Variants in TMOD1 observed in about 807,000 individuals in gnomAD.
TMOD1 encodes tropomodulin 1.
TMOD1 carries 17 observed loss-of-function variants against 40.6 expected under a neutral mutation model. That is an observed-to-expected ratio of 0.42 (90% CI 0.29 to 0.63). TMOD1 has a LOEUF of 0.63. Among genes scored for constraint, TMOD1 ranks in the 20% least tolerant of loss-of-function variants. The probability of loss-of-function intolerance (pLI) is 0.22; values close to 1 mark genes in which losing one functional copy is unlikely to be tolerated. For missense variants in TMOD1, 391 were observed against 447.6 expected, an observed-to-expected ratio of 0.87 and a Z score of 1.14; for synonymous variants, 181 against 175.0, an observed-to-expected ratio of 1.03 and a Z score of -0.27.
At chr9:97,538,687 A>G (rs1447105459) in intron 2 of TMOD1, among the ~76,000 whole-genome samples, 2 of 152,160 alleles carry the variant, frequency 1.3e-5, no homozygotes, top group Non-Finnish European at 2.9e-5. Flanking sequence ...TTTAGTGAAT[A>G]ACTATGTGTA....
At chr9:97,580,731 CATTT>C (rs1238687779) in intron 8 of TMOD1, among the ~76,000 whole-genome samples, 1 of 152,146 alleles carries the variant, frequency 6.6e-6, no homozygotes, top group Non-Finnish European at 1.5e-5. Context: ...AGGATAGTAA[CATTT>C]ATAAGGTCAA....
intron 4 of TMOD1, among the ~76,000 whole-genome samples, chr9:97,559,418 A>C (rs1054427237): frequency 9.9e-5 from 15 of 151,690 alleles, no homozygotes; most frequent in Non-Finnish European, 1.5e-4. Flanking sequence ...AGATCATCTC[A>C]TCTTGTGGTT....
At chr9:97,566,883 T>G (rs1830737673) in intron 7 of TMOD1, among the ~76,000 whole-genome samples, 1 of 152,128 alleles carries the variant, frequency 6.6e-6, no homozygotes, top group Admixed American at 6.5e-5. Flanking sequence ...AATTAGGTTC[T>G]GGGAATACAA....
In TMOD1 at chr9:97,569,490, C is replaced by T. The variant is rs142470060; in HGVS notation, c.870+453C>T. 3.0e-3 allele frequency among the ~76,000 whole-genome samples: 457 copies of T among 152,326 alleles called. 4 individuals carry two copies. Among genetic ancestry groups the T allele is most frequent in the African/African-American group, 0.01 (419 of 41,582 alleles). On this transcript the variant is annotated intron_variant, in intron 8 of 9. Transcript: ENST00000259365. ...CTTCATTCACCCCCATTCAATGCGG[C>T]TTTTGAATTTCCTCACCATTCACAT... is the stretch of plus-strand genomic sequence containing the variant.
intron 1 of TMOD1, among the ~76,000 whole-genome samples, chr9:97,523,431 G>C (rs1261488092): frequency 6.6e-6 from 1 of 152,134 alleles, no homozygotes; most frequent in African/African-American, 2.4e-5. Flanking sequence ...CACGCCATTG[G>C]GTGACTCCGC....
At chr9:97,558,525 C>T (rs376000616) in intron 4 of TMOD1, among the ~76,000 whole-genome samples, 1 of 152,152 alleles carries the variant, frequency 6.6e-6, no homozygotes, top group Non-Finnish European at 1.5e-5. Context: ...CTCACTGTAA[C>T]CTCCACCTCC....
chr9:97,601,162 C>T lies in TMOD1; in HGVS notation c.*1464C>T. The T allele has an allele frequency of 1.5e-6, 2 of 1,301,874 alleles. No individual in the cohort carries two copies. Among genetic ancestry groups the T allele is most frequent in the East Asian group, 5.6e-5 (1 of 18,014 alleles). The allele number at this position is 1,301,874 out of a possible 1,614,324, so 80.6% of individuals were successfully genotyped here. ...AGTGGCACCATGTTGCAGGGACAAC[C>T]ATCCCCATTTGGCTTCTCCTTAAAA... On this transcript the variant is annotated 3_prime_UTR_variant, in exon 10 of 10. Transcript: ENST00000259365.
intron 2 of TMOD1, among the ~76,000 whole-genome samples, chr9:97,524,703 T>C (rs762943484): frequency 6.6e-6 from 1 of 151,458 alleles, no homozygotes; most frequent in Non-Finnish European, 1.5e-5. Flanking sequence ...CCAGGAAGAG[T>C]TGGGTCTGGG....
rs1001522643 is a variant in TMOD1 at position 97,581,240 on chromosome 9, C to T, written c.871-10051C>T. ...ATTCCCACCTATGAGTGAGAATATG[C>T]GGTGTTTGGTTTTTTGTTCTTGCGA... is the stretch of plus-strand genomic sequence containing the variant. On this transcript the variant is annotated intron_variant, in intron 8 of 9. Transcript: ENST00000259365. 3.7e-5 allele frequency among the ~76,000 whole-genome samples: 5 copies of T among 135,122 alleles called. No homozygotes were observed. In the East Asian group the frequency reaches 1.1e-3, roughly 30 times the overall value. 88.6% of individuals were successfully genotyped at this position (135,122 alleles called of 152,430 possible). A position where few individuals can be genotyped will look rare whatever the true frequency, so the allele number is the denominator to read the frequency against.
chr9:97,554,586 G>C (rs1280214447), intron 4 of TMOD1, among the ~76,000 whole-genome samples: 4 of 152,132 alleles, frequency 2.6e-5, no homozygotes, highest in Non-Finnish European at 5.9e-5. Flanking sequence ...ATGGGGCAAA[G>C]CTGGAATGTG....
rs1402160141 is a variant in TMOD1, at chr9:97,585,798, G to A, written c.871-5493G>A. Among the ~76,000 whole-genome samples, 4 of 137,156 alleles carry A rather than the reference G, an allele frequency of 2.9e-5. No homozygotes were observed. The South Asian group carries it at 7.0e-4, about 24-fold the overall frequency. The allele number at this position is 137,156 out of a possible 152,430, so 90.0% of individuals were successfully genotyped here. On this transcript the variant is annotated intron_variant, in intron 8 of 9. Coordinates refer to ENST00000259365, the MANE Select transcript of TMOD1 (RefSeq NM_003275.4). ...ACCCTTTCTTCCAGTTGATCGCATCGGCTCCTGAGGCTTCTGCATTCTTCA... is the reference window on the plus strand; with the variant it reads ...ACCCTTTCTTCCAGTTGATCGCATCAGCTCCTGAGGCTTCTGCATTCTTCA...
intron 1 of TMOD1, among the ~76,000 whole-genome samples, chr9:97,515,211 A>AC (rs1554753337): frequency 4.6e-5 from 7 of 151,488 alleles, no homozygotes; most frequent in African/African-American, 1.5e-4. Flanking sequence ...GAAAAAAAAA[A>AC]AAACAAACCA....
intron 1 of TMOD1, among the ~76,000 whole-genome samples, chr9:97,509,512 GTTTTTTGTTTT>G (rs1829659756): frequency 9.4e-6 from 1 of 106,132 alleles, no homozygotes; most frequent in African/African-American, 3.4e-5. Context: ...TTTTTTTTTT[GTTTTTTGTTTT>G]TTTTTTAGAC....
intron 1 of TMOD1, among the ~76,000 whole-genome samples, chr9:97,505,299 G>A (rs1829574155): frequency 6.6e-6 from 1 of 152,224 alleles, no homozygotes; most frequent in Admixed American, 6.5e-5. Context: ...GAGGGAGGGA[G>A]AGGGAGACAA....
chr9:97,541,145 G>A (rs1830269986), intron 2 of TMOD1, among the ~76,000 whole-genome samples: 1 of 151,818 alleles, frequency 6.6e-6, no homozygotes, highest in Non-Finnish European at 1.5e-5. Flanking sequence ...ATAATCTTTG[G>A]AAAAATGTCT....
At chr9:97,527,327 C>T (rs10739432) in intron 2 of TMOD1, among the ~76,000 whole-genome samples, 82,255 of 152,064 alleles carry the variant, frequency 0.54, 22,598 homozygotes, top group East Asian at 0.65. Context: ...CTGTGCTGGG[C>T]ACCAACAGGG....
chr9:97,522,523 G>A (rs1329153290), intron 1 of TMOD1, among the ~76,000 whole-genome samples: 3 of 152,040 alleles, frequency 2.0e-5, no homozygotes, highest in African/African-American at 4.8e-5. Context: ...GATACTGGGG[G>A]TTAGAACTTC....
At chr9:97,535,029 C>T (rs1830159159) in intron 2 of TMOD1, among the ~76,000 whole-genome samples, 1 of 152,094 alleles carries the variant, frequency 6.6e-6, no homozygotes, top group Non-Finnish European at 1.5e-5. Context: ...ACATGGGCTA[C>T]TTGATGAAGG....
At chr9:97,579,776 G>A (rs1825703167) in intron 8 of TMOD1, among the ~76,000 whole-genome samples, 1 of 152,236 alleles carries the variant, frequency 6.6e-6, no homozygotes, top group Admixed American at 6.5e-5. Flanking sequence ...AAGGCAGATG[G>A]ACTCTGCCAG....
Sources: allele counts gnomAD v4.1 joint callset (sites outside exome capture counted in the v4.1 genomes callset), GRCh38; gene constraint gnomAD v4.1.1; transcripts MANE v1.5; gene names NCBI Gene and HGNC (gene_info 2026-07-23, HGNC 2026-07-21).